The following CELF4 variants were observed in gnomAD, a reference collection of about 807,000 sequenced individuals.
CELF4 encodes CUG-BP- and ETR-3-like factor 4.
Under a neutral mutation model 59.9 loss-of-function variants are expected in CELF4, and 18 were observed. The ratio of observed to expected loss-of-function variants is 0.30; its 90% CI spans 0.21 to 0.45. The LOEUF is 0.45. Among genes scored for constraint, CELF4 ranks in the 20% least tolerant of loss-of-function variants. The pLI is 1.00. For synonymous variants in CELF4, 261 were observed against 267.1 expected, an observed-to-expected ratio of 0.98 and a Z score of 0.22; for missense variants, 456 against 689.0, an observed-to-expected ratio of 0.66 and a Z score of 3.79.
At chr18:37,522,113 G>A (rs2099958120) in intron 1 of CELF4, among the ~76,000 whole-genome samples, 1 of 149,542 alleles carries the variant, frequency 6.7e-6, no homozygotes, top group Non-Finnish European at 1.5e-5. Context: ...GACATGCGAA[G>A]GTTGAATGAG....
At chr18:37,505,824 A>G (rs1204729049) in intron 1 of CELF4, among the ~76,000 whole-genome samples, 2 of 152,322 alleles carry the variant, frequency 1.3e-5, no homozygotes, top group African/African-American at 4.8e-5. Flanking sequence ...TGAAGCTCCC[A>G]GTACACTGCC....
In CELF4 at chr18:37,270,753, G is replaced by A. The variant is rs1035341214; in HGVS notation, c.1099+15C>T. ...TGTGCTGCATACGGAAATAAGTGCTGACAGATGTGCTTACCTGGGTAGGGG... is the reference window on the plus strand; with the variant it reads ...TGTGCTGCATACGGAAATAAGTGCTAACAGATGTGCTTACCTGGGTAGGGG... On this transcript the variant is annotated intron_variant, in intron 8 of 12. Transcript: ENST00000420428. 8 of 1,613,636 alleles carry A rather than the reference G, an allele frequency of 5.0e-6. No homozygotes were observed. The African/African-American group carries it at 9.3e-5, about 19-fold the overall frequency.
intron 1 of CELF4, among the ~76,000 whole-genome samples, chr18:37,552,423 A>T (rs1158209085): frequency 6.6e-6 from 1 of 152,180 alleles, no homozygotes; most frequent in African/African-American, 2.4e-5. Context: ...CCTCTGCGTG[A>T]TGAGGGTGAG....
At chr18:37,404,984 A>G (rs373607959) in intron 2 of CELF4, among the ~76,000 whole-genome samples, 27 of 152,234 alleles carry the variant, frequency 1.8e-4, no homozygotes, top group Admixed American at 3.3e-4. Context: ...TTGTAAAAAA[A>G]CAAAACAAAA....
At chr18:37,433,937 T>A (rs2099679877) in intron 2 of CELF4, among the ~76,000 whole-genome samples, 1 of 152,196 alleles carries the variant, frequency 6.6e-6, no homozygotes, top group Non-Finnish European at 1.5e-5. Flanking sequence ...AAGTGTTTAT[T>A]TTTATTTATT....
chr18:37,342,505 G>C (rs1405105118), intron 2 of CELF4, among the ~76,000 whole-genome samples: 4 of 152,120 alleles, frequency 2.6e-5, no homozygotes, highest in Admixed American at 6.5e-5. Context: ...AGGCAGTGGA[G>C]GGCAGGAGTG....
chr18:37,404,423 C>T (rs556494857), intron 2 of CELF4, among the ~76,000 whole-genome samples: 2 of 152,354 alleles, frequency 1.3e-5, no homozygotes, highest in East Asian at 3.9e-4. Context: ...AGCTTATTAA[C>T]TCACTGGCAA....
intron 2 of CELF4, among the ~76,000 whole-genome samples, chr18:37,346,476 T>C (rs538076546): frequency 1.3e-5 from 2 of 151,412 alleles, no homozygotes; most frequent in Admixed American, 6.6e-5. Context: ...GCGACTGGGG[T>C]TCAGCAAGCA....
At chr18:37,426,231 G>A (rs370280483) in intron 2 of CELF4, among the ~76,000 whole-genome samples, 2 of 152,190 alleles carry the variant, frequency 1.3e-5, no homozygotes, top group African/African-American at 4.8e-5. Flanking sequence ...GAAGAATATC[G>A]GGACACTGGT....
chr18:37,492,861 C>G (rs2099910783), intron 1 of CELF4, among the ~76,000 whole-genome samples: 1 of 152,048 alleles, frequency 6.6e-6, no homozygotes, highest in African/African-American at 2.4e-5. Flanking sequence ...GAGGCTGGGC[C>G]CTTGGGGCTC....
chr18:37,305,692 T>A (rs1226351371), intron 3 of CELF4: 3 of 152,232 alleles, frequency 2.0e-5, no homozygotes, highest in Non-Finnish European at 4.4e-5. Context: ...AGTGAGCTCA[T>A]GGGCCTCAGT....
At chr18:37,448,182 C>T (rs1012273232) in intron 2 of CELF4, among the ~76,000 whole-genome samples, 12 of 152,230 alleles carry the variant, frequency 7.9e-5, no homozygotes, top group Non-Finnish European at 1.8e-4. Context: ...ATTTGCTTCC[C>T]GGTTCAAACT....
chr18:37,259,053 C>T (rs766303263), intron 11 of CELF4, 128 bp downstream of exon 11: 3 of 1,467,342 alleles, frequency 2.0e-6, no homozygotes, highest in Non-Finnish European at 2.8e-6. Context: ...AGCAGTCGGA[C>T]ACCGGTAGGT....
At chr18:37,346,117 C>T (rs1209816210) in intron 2 of CELF4, among the ~76,000 whole-genome samples, 2 of 152,222 alleles carry the variant, frequency 1.3e-5, no homozygotes, top group Non-Finnish European at 2.9e-5. Flanking sequence ...CAGGGACCAG[C>T]CTGCAGCCTC....
At chr18:37,249,686 C>A (rs570930910) in intron 12 of CELF4, among the ~76,000 whole-genome samples, 1 of 152,130 alleles carries the variant, frequency 6.6e-6, no homozygotes, top group Non-Finnish European at 1.5e-5. Flanking sequence ...CCCTTCCCGA[C>A]CACTCTCGGG....
chr18:37,346,204 C>G (rs968372261), intron 2 of CELF4, among the ~76,000 whole-genome samples: 26 of 152,314 alleles, frequency 1.7e-4, no homozygotes, highest in Admixed American at 1.2e-3. Context: ...ACTGGCCTGC[C>G]CCAATGTCTA....
chr18:37,504,515 A>G lies in CELF4; in HGVS notation c.287-18908T>C, dbSNP rs140649556. 4.7e-3 allele frequency among the ~76,000 whole-genome samples: 706 copies of G among 150,884 alleles called. 4 individuals are homozygous for G. The highest frequency in any genetic ancestry group is 0.016 in the African/African-American group (643 of 41,038). ...TTGCTTGGCTCAATTTCCTTTTAGCATGTGATTTGGGGCAGGTTTCTTAGC... is the reference window on the plus strand; with the variant it reads ...TTGCTTGGCTCAATTTCCTTTTAGCGTGTGATTTGGGGCAGGTTTCTTAGC... On this transcript the variant is annotated intron_variant, in intron 1 of 12. Coordinates refer to ENST00000420428, the MANE Select transcript of CELF4 (RefSeq NM_020180.4).
At chr18:37,396,420 G>A in intron 2 of CELF4, among the ~76,000 whole-genome samples, 1 of 152,220 alleles carries the variant, frequency 6.6e-6, no homozygotes, top group East Asian at 1.9e-4. Context: ...TTGAAAACAT[G>A]TCTCAAGATG....
At chr18:37,528,586 G>A (rs543354893) in intron 1 of CELF4, among the ~76,000 whole-genome samples, 9 of 152,302 alleles carry the variant, frequency 5.9e-5, no homozygotes, top group African/African-American at 2.2e-4. Flanking sequence ...ATGGCAGTGC[G>A]GGGAGCACAT....
Sources: allele counts gnomAD v4.1 joint callset (sites outside exome capture counted in the v4.1 genomes callset), GRCh38; gene constraint gnomAD v4.1.1; transcripts MANE v1.5; gene names NCBI Gene and HGNC (gene_info 2026-07-23, HGNC 2026-07-21).